Variants in PCDHGA3 observed in about 807,000 individuals in gnomAD.
PCDHGA3 encodes protocadherin gamma-A3.
A neutral mutation model predicts 58.5 loss-of-function variants in PCDHGA3; 40 were observed. That is an observed-to-expected ratio of 0.68 (90% confidence interval 0.53 to 0.89). The LOEUF is 0.89. PCDHGA3 is among the 40% of genes least tolerant of loss of function. PCDHGA3 has a pLI of 0.00. For missense variants in PCDHGA3, 1,223 were observed against 1,195.9 expected, an observed-to-expected ratio of 1.02 and a Z score of -0.33; for synonymous variants, 530 against 525.7, an observed-to-expected ratio of 1.01 and a Z score of -0.11.
chr5:141,509,148 C>T (rs1345910772), intron 3 of PCDHGA3, among the ~76,000 whole-genome samples: 1 of 152,198 alleles, frequency 6.6e-6, no homozygotes, highest in Non-Finnish European at 1.5e-5. Context: ...CATCCCGGCT[C>T]TCCCCTCCCG....
chr5:141,451,812 C>G (rs974567828), intron 1 of PCDHGA3, among the ~76,000 whole-genome samples: 1 of 149,686 alleles, frequency 6.7e-6, no homozygotes, highest in Non-Finnish European at 1.5e-5. Flanking sequence ...ACCCAGGAGG[C>G]GGAGGTTACA....
chr5:141,368,727 T>C (rs1004938919), intron 1 of PCDHGA3, among the ~76,000 whole-genome samples: 9 of 152,250 alleles, frequency 5.9e-5, no homozygotes, highest in Non-Finnish European at 1.2e-4. Context: ...ATGTATGTAC[T>C]GTATATACCA....
Position 141,486,862 on chromosome 5 carries a change from A to G in PCDHGA3, c.2425-7945A>G. The G allele has an allele frequency of 6.2e-7, 1 of 1,614,256 alleles. No individual in the cohort carries two copies. The highest frequency in any genetic ancestry group is 1.3e-5 in the African/African-American group (1 of 75,078). On this transcript the variant is annotated intron_variant, in intron 1 of 3. Transcript: ENST00000253812. This position sits in a 1 kb window ranked among gnomAD's most constrained non-coding sequence, Gnocchi z 5.0. Reference sequence around the variant, plus strand: ...TGCTGGACCTCAATGACAATGCTCCAGCTGTGCTCCGTCCTCGGGCCCGGC... The same window carrying G: ...TGCTGGACCTCAATGACAATGCTCCGGCTGTGCTCCGTCCTCGGGCCCGGC...
chr5:141,433,408 A>ATCTATCTATCT (rs1413347413), intron 1 of PCDHGA3, among the ~76,000 whole-genome samples: 6 of 127,280 alleles, frequency 4.7e-5, no homozygotes, highest in African/African-American at 1.8e-4. Context: ...TCTATCTATT[A>ATCTATCTATCT]CTTTCTTGTA....
At chr5:141,447,130 T>A (rs2098527397) in intron 1 of PCDHGA3, among the ~76,000 whole-genome samples, 1 of 152,146 alleles carries the variant, frequency 6.6e-6, no homozygotes, top group Admixed American at 6.6e-5. Context: ...TTTTTTTGTT[T>A]GTTTGTTTTT....
intron 2 of PCDHGA3, among the ~76,000 whole-genome samples, chr5:141,495,262 A>G (rs550950979): frequency 1.3e-5 from 2 of 152,246 alleles, no homozygotes; most frequent in South Asian, 2.1e-4. Flanking sequence ...GCAGAAAAGC[A>G]TTTGACCGGA....
At chr5:141,411,227 G>A (rs1276536852) in intron 1 of PCDHGA3, 1 of 152,092 alleles carries the variant, frequency 6.6e-6, no homozygotes, top group Non-Finnish European at 1.5e-5. Context: ...TCAAATTTGC[G>A]AAGACTTAGT....
rs1481706003 is a variant in PCDHGA3, at chr5:141,491,416, G to A, written c.2425-3391G>A. On this transcript the variant is annotated intron_variant, in intron 1 of 3. Transcript: ENST00000253812. This position sits in a 1 kb window ranked among gnomAD's most constrained non-coding sequence, Gnocchi z 6.9. ...TCAGGGAAACGCAGACGGGGACGGG[G>A]GTGGAGGGCAGTGCTGCAGGCGCCA... 3 of 1,614,138 alleles carry A rather than the reference G, an allele frequency of 1.9e-6. No homozygotes were observed. The highest frequency in any genetic ancestry group is 2.2e-5 in the East Asian group (1 of 44,874).
intron 1 of PCDHGA3, among the ~76,000 whole-genome samples, chr5:141,473,126 A>C (rs2154571574): frequency 6.6e-6 from 1 of 152,356 alleles, no homozygotes; most frequent in South Asian, 2.1e-4. Flanking sequence ...GCTCTTTGGC[A>C]AACTATATTA....
chr5:141,346,367 G>T lies in PCDHGA3; in HGVS notation c.2334G>T (p.Thr778=), dbSNP rs757139743. 4.1e-5 allele frequency: 66 copies of T among 1,614,092 alleles called. No homozygotes were observed. Among genetic ancestry groups the T allele is most frequent in the Non-Finnish European group, 5.5e-5 (65 of 1,180,050 alleles). The part of the protein sequence containing the change: ...LIFPQPNYAD[T]LISQESCEKS... ...TCCCCCAGCCCAACTATGCGGACAC[G>T]CTCATCAGCCAGGAGAGCTGTGAGA... is the stretch of plus-strand genomic sequence containing the variant. Residue 778 remains threonine (T), a synonymous_variant, in exon 1 of 4, where the codon ACG becomes ACT. Transcript: ENST00000253812.
intron 1 of PCDHGA3, chr5:141,403,328 A>G: frequency 1.8e-5 from 29 of 1,613,998 alleles, no homozygotes; most frequent in Non-Finnish European, 2.4e-5. Context: ...AGTAACTGAT[A>G]TTAACGACAG....
Position 141,489,090 on chromosome 5 carries a change from C to CCAA in PCDHGA3, c.2425-5717_2425-5716insCAA, listed in dbSNP as rs2099682444. 1 of 328,824 alleles carries CCAA rather than the reference C, an allele frequency of 3.0e-6. No individual in the cohort carries two copies. Among genetic ancestry groups the CCAA allele is most frequent in the Admixed American group, 6.1e-5 (1 of 16,500 alleles). The allele number at this position is 328,824 out of a possible 1,614,324, so 20.4% of individuals were successfully genotyped here. ...CCTGCCCACCCCCGCCACTCGGTGA[C>CCAA]TAAGAACTGCTGCAAGCAGGCAAAC... On this transcript the variant is annotated intron_variant, in intron 1 of 3. Transcript: ENST00000253812. This position sits in a 1 kb window ranked among gnomAD's most constrained non-coding sequence, Gnocchi z 4.5.
In PCDHGA3 at chr5:141,418,448, C is replaced by T. The variant is rs1240295197; in HGVS notation, c.2424+71991C>T. On this transcript the variant is annotated intron_variant, in intron 1 of 3. Transcript: ENST00000253812. ...TGGCAAATATCCAGAATTAGTATTG[C>T]AGAAGACTCTGGACCGAGAAACGCA... 1.9e-6 allele frequency: 3 copies of T among 1,613,850 alleles called. No homozygotes were observed. The African/African-American group carries it at 4.0e-5, about 22-fold the overall frequency.
intron 1 of PCDHGA3, chr5:141,355,603 A>T: frequency 1.2e-6 from 2 of 1,614,012 alleles, no homozygotes; most frequent in South Asian, 1.1e-5. Context: ...CAGTTTTGGG[A>T]CAGAACAGAG....
At chr5:141,385,309 C>G (rs774342510) in intron 1 of PCDHGA3, 1 of 1,612,276 alleles carries the variant, frequency 6.2e-7, no homozygotes, top group South Asian at 1.1e-5. Flanking sequence ...TAAAGAAAAC[C>G]TGCCAAGTAT....
intron 2 of PCDHGA3, among the ~76,000 whole-genome samples, chr5:141,495,936 T>C (rs1329369782): frequency 6.6e-6 from 1 of 152,206 alleles, no homozygotes; most frequent in Non-Finnish European, 1.5e-5. Flanking sequence ...GTCTCTGGTC[T>C]CTGTGCCTGT....
At chr5:141,436,849 T>C (rs1007573014) in intron 1 of PCDHGA3, among the ~76,000 whole-genome samples, 11 of 152,256 alleles carry the variant, frequency 7.2e-5, no homozygotes, top group African/African-American at 2.7e-4. Context: ...ACATTCTTGA[T>C]TGAGAAGCCA....
In PCDHGA3 at chr5:141,399,542, C is replaced by T. The variant is rs761214012; in HGVS notation, c.2424+53085C>T. The T allele has an allele frequency of 5.6e-6, 9 of 1,614,046 alleles. No homozygotes were observed. The South Asian group carries it at 8.8e-5, about 16-fold the overall frequency. On this transcript the variant is annotated intron_variant, in intron 1 of 3. Transcript: ENST00000253812. ...GGGGCCTCCATCGCGCAAGTCTGCGCCTCGGACCTGGACTTGGGGTTGAAC... is the reference window on the plus strand; with the variant it reads ...GGGGCCTCCATCGCGCAAGTCTGCGTCTCGGACCTGGACTTGGGGTTGAAC...
At position 141,345,744 on chromosome 5, in the gene PCDHGA3, G is replaced by C. The variant is rs780252025; in HGVS notation, c.1711G>C (p.Gly571Arg). 37 of 1,614,082 alleles carry C rather than the reference G, an allele frequency of 2.3e-5. No homozygotes were observed. Among genetic ancestry groups the C allele is most frequent in the Non-Finnish European group, 2.9e-5 (34 of 1,180,044 alleles). Residue 571 changes from glycine to arginine, a missense_variant, in exon 1 of 4, where the codon GGT (glycine) becomes CGT (arginine). Gly to Arg is a moderately radical substitution (Grantham distance 125, BLOSUM62 -2). Around this residue, in one of 3 missense-constraint regions of PCDHGA3, gnomAD observed 791 missense variants for 708.5 expected, o/e 1.12. Transcript: ENST00000253812. The stretch of plus-strand genomic sequence containing the variant: ...CCTGTACCCCGCCCTCCCCACAGAC[G>C]GTTCCACTGGCGTGGAGCTGGCGCC... ...EILYPALPTD[G>R]STGVELAPRS...
Sources: allele counts gnomAD v4.1 joint callset (sites outside exome capture counted in the v4.1 genomes callset), GRCh38; gene constraint gnomAD v4.1.1; regional missense constraint gnomAD v4.1.1; non-coding constraint Gnocchi (gnomAD v3.1); transcripts MANE v1.5; gene names NCBI Gene and HGNC (gene_info 2026-07-23, HGNC 2026-07-21).